Variants in KLF12 observed in about 807,000 individuals in gnomAD.
KLF12 encodes KLF transcription factor 12, also known as Krueppel-like factor 12.
In KLF12, 9 loss-of-function variants were observed where a neutral mutation model predicts 37.8. The observed-to-expected ratio is 0.24, with a 90% CI of 0.14 to 0.42. KLF12 has a LOEUF of 0.42. KLF12 is among the 10% of genes least tolerant of loss of function. The pLI is 1.00. For synonymous variants in KLF12, 208 were observed against 202.1 expected (o/e 1.03, Z -0.25); for missense variants, 411 against 516.0 (o/e 0.80, Z 1.97).
At chr13:73,968,688 A>AGG (rs1200683376) in intron 2 of KLF12, among the ~76,000 whole-genome samples, 2 of 152,244 alleles carry the variant, frequency 1.3e-5, no homozygotes, top group Non-Finnish European at 1.5e-5. Flanking sequence ...AGAAATGTAA[A>AGG]GAATATTTTT....
the KLF12 span, among the ~76,000 whole-genome samples, chr13:74,300,763 C>T: frequency 6.6e-6 from 1 of 152,138 alleles, no homozygotes; most frequent in African/African-American, 2.4e-5. Context: ...TTTTAATAAT[C>T]ATTTGCAATA....
chr13:73,802,302 A>C (rs895149721), intron 5 of KLF12: 2 of 152,148 alleles, frequency 1.3e-5, no homozygotes, highest in Non-Finnish European at 2.9e-5. Flanking sequence ...TAGGGAAAAA[A>C]GTACTTAATG....
chr13:74,117,870 G>A (rs1877399875), intron 1 of KLF12, among the ~76,000 whole-genome samples: 1 of 151,724 alleles, frequency 6.6e-6, no homozygotes, highest in Admixed American at 6.6e-5. Context: ...TAAAAAGAGA[G>A]ACTAAGAAAC....
At chr13:74,094,735 A>G (rs1875881446) in intron 1 of KLF12, among the ~76,000 whole-genome samples, 1 of 151,680 alleles carries the variant, frequency 6.6e-6, no homozygotes. Context: ...AGGTAGCTAG[A>G]ACTACAGGTG....
intron 3 of KLF12, among the ~76,000 whole-genome samples, chr13:73,877,899 G>A (rs927467346): frequency 2.6e-5 from 4 of 152,042 alleles, no homozygotes; most frequent in Admixed American, 6.6e-5. Context: ...CTGTTTTCAC[G>A]CCCAAATGTT....
At chr13:74,038,745 T>G (rs1246970794) in intron 1 of KLF12, among the ~76,000 whole-genome samples, 1 of 152,192 alleles carries the variant, frequency 6.6e-6, no homozygotes, top group African/African-American at 2.4e-5. Context: ...TAAAGTAAGT[T>G]GACTGCTTTT....
At chr13:74,072,057 A>G (rs1874285544) in intron 1 of KLF12, among the ~76,000 whole-genome samples, 1 of 152,064 alleles carries the variant, frequency 6.6e-6, no homozygotes, top group African/African-American at 2.4e-5. Context: ...AAACCTCCTT[A>G]TGAACCTCCA....
intron 4 of KLF12, among the ~76,000 whole-genome samples, chr13:73,831,315 C>T (rs1401188805): frequency 1.3e-5 from 2 of 152,060 alleles, no homozygotes; most frequent in Admixed American, 1.3e-4. Flanking sequence ...TCTTAGTTTT[C>T]TCATTGCAAA....
At chr13:74,211,021 C>T in the KLF12 span, among the ~76,000 whole-genome samples, 1 of 152,176 alleles carries the variant, frequency 6.6e-6, no homozygotes, top group Admixed American at 6.6e-5. Flanking sequence ...TCTCTGAGAT[C>T]TTATTGGAGT....
intron 1 of KLF12, among the ~76,000 whole-genome samples, chr13:74,083,604 G>A (rs1875072727): frequency 6.6e-6 from 1 of 151,428 alleles, no homozygotes; most frequent in Non-Finnish European, 1.5e-5. Context: ...ATAAATCCAA[G>A]TCTAAGATGT....
At chr13:73,819,679 A>C (rs147417627) in intron 4 of KLF12, among the ~76,000 whole-genome samples, 216 of 152,364 alleles carry the variant, frequency 1.4e-3, no homozygotes, top group Middle Eastern at 6.8e-3. Flanking sequence ...TACGTCAGAT[A>C]GTAAGTGCCA....
chr13:73,736,284 T>C (rs1410670404), intron 6 of KLF12, among the ~76,000 whole-genome samples: 1 of 152,210 alleles, frequency 6.6e-6, no homozygotes, highest in Non-Finnish European at 1.5e-5. Flanking sequence ...GAGAACTGTT[T>C]CATAGATGAA....
At chr13:73,880,467 T>G (rs1297459139) in intron 3 of KLF12, among the ~76,000 whole-genome samples, 1 of 152,196 alleles carries the variant, frequency 6.6e-6, no homozygotes, top group African/African-American at 2.4e-5. Context: ...TTATTCCTCT[T>G]AAACATCTAT....
rs567753923 is a variant in KLF12, at chr13:73,705,645, C to T, written c.1027+9723G>A. Among the ~76,000 whole-genome samples, 4 of 152,076 alleles carry T rather than the reference C, an allele frequency of 2.6e-5. No individual in the cohort carries two copies. The South Asian group carries it at 8.4e-4, about 32-fold the overall frequency. ...CAATTCCTTATTGTCTTTAATAATT[C>T]CATTAAAACCACAAATTTTATATTA... On this transcript the variant is annotated intron_variant, in intron 7 of 7. Transcript: ENST00000377669.
chr13:74,047,785 C>T (rs1437706226), intron 1 of KLF12, among the ~76,000 whole-genome samples: 1 of 152,196 alleles, frequency 6.6e-6, no homozygotes, highest in Non-Finnish European at 1.5e-5. Context: ...AACACGGCTT[C>T]ACCTCTTACG....
At chr13:73,837,050 T>C (rs1201925972) in intron 4 of KLF12, among the ~76,000 whole-genome samples, 8 of 152,240 alleles carry the variant, frequency 5.3e-5, no homozygotes, top group African/African-American at 1.9e-4. Flanking sequence ...TGGATTTGAC[T>C]GTCCTGTTTA....
intron 5 of KLF12, among the ~76,000 whole-genome samples, chr13:73,806,649 CAAA>C (rs11482328): frequency 9.2e-6 from 1 of 108,312 alleles, no homozygotes; most frequent in African/African-American, 3.7e-5. Flanking sequence ...AAAAAACAAA[CAAA>C]AAAAAAAAAA....
intron 6 of KLF12, among the ~76,000 whole-genome samples, chr13:73,725,472 C>T (rs1375386117): frequency 6.6e-6 from 1 of 150,812 alleles, no homozygotes; most frequent in African/African-American, 2.4e-5. Context: ...AACAAGAAAA[C>T]AAAAACAAAA....
chr13:73,795,982 A>C (rs1361580093), intron 5 of KLF12, among the ~76,000 whole-genome samples: 1 of 152,222 alleles, frequency 6.6e-6, no homozygotes, highest in Non-Finnish European at 1.5e-5. Flanking sequence ...CTGGGCTTTT[A>C]ATAAGTATAT....
Sources: gnomAD v4.1 joint callset for allele counts (sites outside exome capture counted in the v4.1 genomes callset) on GRCh38, gnomAD v4.1.1 for gene constraint, MANE v1.5 for transcripts, NCBI Gene and HGNC (gene_info 2026-07-23, HGNC 2026-07-21) for gene names.